The following CFAP77 variants were observed in gnomAD, a reference collection of about 807,000 sequenced individuals.
The protein encoded by CFAP77 is cilia- and flagella-associated protein 77.
A neutral mutation model predicts 31.1 loss-of-function variants in CFAP77; 25 were observed. The ratio of observed to expected loss-of-function variants is 0.80; its 90% CI spans 0.59 to 1.12. The LOEUF is 1.12. CFAP77 is among the 50% of genes most tolerant of loss of function. CFAP77 has a pLI of 0.00. For missense variants in CFAP77, 377 were observed against 397.3 expected, an observed-to-expected ratio of 0.95 and a Z score of 0.44; for synonymous variants, 151 against 159.9, an observed-to-expected ratio of 0.94 and a Z score of 0.42.
chr9:132,540,599 G>A (rs1235119736), intron 4 of CFAP77, among the ~76,000 whole-genome samples: 1 of 152,236 alleles, frequency 6.6e-6, no homozygotes, highest in Non-Finnish European at 1.5e-5. Flanking sequence ...TGACACATGA[G>A]CCTCTGTAAG....
Position 132,564,685 on chromosome 9 carries a change from C to G in CFAP77, c.733-7703C>G, listed in dbSNP as rs544265033. ...AAGGTAATTAGCTAAGCCAACGACT[C>G]TAGATGCTAGAAAAAGAACAACAGA... is the stretch of plus-strand genomic sequence containing the variant. On this transcript the variant is annotated intron_variant, in intron 5 of 5. Transcript: ENST00000393216. This position sits in a 1 kb window ranked among gnomAD's most constrained non-coding sequence, Gnocchi z 4.6. Among the ~76,000 whole-genome samples, 26 of 152,260 alleles carry G rather than the reference C, an allele frequency of 1.7e-4. No homozygotes were observed. The highest frequency in any genetic ancestry group is 6.3e-4 in the African/African-American group (26 of 41,552).
chr9:132,510,376 C>T (rs1305773428), intron 3 of CFAP77, among the ~76,000 whole-genome samples: 2 of 152,242 alleles, frequency 1.3e-5, no homozygotes, highest in African/African-American at 2.4e-5. Context: ...CTGGCCCGGC[C>T]GTGGGCCTCT....
intron 1 of CFAP77, among the ~76,000 whole-genome samples, chr9:132,471,062 G>C (rs939957220): frequency 4.6e-5 from 7 of 152,050 alleles, no homozygotes; most frequent in Admixed American, 2.6e-4. Context: ...AAACACTTGT[G>C]TGGGCCCCTA....
chr9:132,435,513 G>T (rs1344395171), intron 1 of CFAP77, among the ~76,000 whole-genome samples: 1 of 151,914 alleles, frequency 6.6e-6, no homozygotes, highest in Non-Finnish European at 1.5e-5. Context: ...AAATAAAAGT[G>T]AAGGAATCTG....
chr9:132,495,731 G>A lies in CFAP77; in HGVS notation c.196-2964G>A, dbSNP rs993261103. On this transcript the variant is annotated intron_variant, in intron 1 of 5. Transcript: ENST00000393216. This position sits in a 1 kb window ranked among gnomAD's most constrained non-coding sequence, Gnocchi z 4.2. ...AAAACCTAACTTTGGATGGGATGGC[G>A]TTAGCAGGTGGGTCTTTTAGGAGAT... Among the ~76,000 whole-genome samples, 3 of 152,218 alleles carry A rather than the reference G, an allele frequency of 2.0e-5. No homozygotes were observed. The highest frequency in any genetic ancestry group is 7.2e-5 in the African/African-American group (3 of 41,452).
chr9:132,492,592 G>A (rs1423104005), intron 1 of CFAP77, among the ~76,000 whole-genome samples: 2 of 152,232 alleles, frequency 1.3e-5, no homozygotes, highest in Non-Finnish European at 2.9e-5. Flanking sequence ...TCAGCCATGC[G>A]GCTTTGGGCA....
chr9:132,484,983 G>T (rs1199305714), intron 1 of CFAP77, among the ~76,000 whole-genome samples: 1 of 151,924 alleles, frequency 6.6e-6, no homozygotes, highest in Non-Finnish European at 1.5e-5. Context: ...CCTGTAGCTG[G>T]GACTACAGGC....
chr9:132,434,757 T>C (rs1002553261), intron 1 of CFAP77, among the ~76,000 whole-genome samples: 1 of 152,146 alleles, frequency 6.6e-6, no homozygotes, highest in Non-Finnish European at 1.5e-5. Context: ...TATAGGAACC[T>C]GTAGGGGGGC....
rs1852160742 is a variant in CFAP77 at position 132,517,029 on chromosome 9, G to A, written c.524+17429G>A. Among the ~76,000 whole-genome samples the A allele has an allele frequency of 6.6e-6, 1 of 152,220 alleles. No individual in the cohort carries two copies. The highest frequency in any genetic ancestry group is 2.1e-4 in the South Asian group (1 of 4,826). On this transcript the variant is annotated intron_variant, in intron 3 of 5. Coordinates refer to ENST00000393216, the MANE Select transcript of CFAP77 (RefSeq NM_001282957.2). The surrounding 1 kb of genome is among the most constrained non-coding windows in gnomAD (Gnocchi z 4.7). ...TGCAGCACGCAGCTCGGGGCTGTGT[G>A]AGAACACGAGGGCGGTCTTCAGAAA...
intron 3 of CFAP77, among the ~76,000 whole-genome samples, chr9:132,502,607 A>G (rs1368922655): frequency 6.6e-6 from 1 of 152,078 alleles, no homozygotes; most frequent in Non-Finnish European, 1.5e-5. Flanking sequence ...GGCTTATTTC[A>G]TTTATGTAAT....
At chr9:132,471,786 G>A (rs988409384) in intron 1 of CFAP77, among the ~76,000 whole-genome samples, 6 of 151,996 alleles carry the variant, frequency 3.9e-5, no homozygotes, top group Admixed American at 2.6e-4. Context: ...ATGCAGCCTC[G>A]AACCCCTGGG....
At position 132,441,105 on chromosome 9, in the gene CFAP77, T is replaced by C. The variant is rs141120085; in HGVS notation, c.195+30639T>C. ...TCCTCTCTGCATCCTAAACACACAA[T>C]ACCAGGGTCAGTGGGACCCGCAGCC... is the stretch of plus-strand genomic sequence containing the variant. On this transcript the variant is annotated intron_variant, in intron 1 of 5. Coordinates refer to ENST00000393216, the MANE Select transcript of CFAP77 (RefSeq NM_001282957.2). 1.2e-4 allele frequency among the ~76,000 whole-genome samples: 19 copies of C among 152,270 alleles called. No homozygotes were observed. The East Asian group carries it at 3.5e-3, about 28-fold the overall frequency.
At chr9:132,476,093 G>T (rs533101259) in intron 1 of CFAP77, among the ~76,000 whole-genome samples, 2 of 152,290 alleles carry the variant, frequency 1.3e-5, no homozygotes, top group South Asian at 4.1e-4. Flanking sequence ...CCTCTTCTGG[G>T]AGGTCTGGCC....
At chr9:132,519,816 ATGG>A (rs1852235987) in intron 3 of CFAP77, among the ~76,000 whole-genome samples, 1 of 24,452 alleles carries the variant, frequency 4.1e-5, no homozygotes, top group Non-Finnish European at 6.8e-5. Context: ...GGGTGGGTGG[ATGG>A]ATGGATGGAT....
intron 1 of CFAP77, among the ~76,000 whole-genome samples, chr9:132,467,870 G>T (rs1851182062): frequency 6.6e-6 from 1 of 152,180 alleles, no homozygotes; most frequent in East Asian, 1.9e-4. Flanking sequence ...TATTTTCTGG[G>T]TTTGGTTTTT....
At chr9:132,547,328 C>A (rs556310128) in intron 5 of CFAP77, among the ~76,000 whole-genome samples, 2 of 152,306 alleles carry the variant, frequency 1.3e-5, no homozygotes, top group Admixed American at 6.5e-5. Flanking sequence ...AATGGGCTAA[C>A]AAATGCTCCC....
chr9:132,416,951 GT>G (rs914587079), intron 1 of CFAP77, among the ~76,000 whole-genome samples: 1 of 151,344 alleles, frequency 6.6e-6, no homozygotes, highest in Non-Finnish European at 1.5e-5. Context: ...TTTTGTATTA[GT>G]TTTTTTTAAT....
chr9:132,531,894 C>CATCCTCAG (rs1852460097), intron 3 of CFAP77, among the ~76,000 whole-genome samples: 1 of 152,150 alleles, frequency 6.6e-6, no homozygotes, highest in African/African-American at 2.4e-5. Flanking sequence ...GTCAGCCGAG[C>CATCCTCAG]CCGCAGGAGG....
rs1467925462 is a variant in CFAP77 at position 132,417,823 on chromosome 9, G to A, written c.195+7357G>A. On this transcript the variant is annotated intron_variant, in intron 1 of 5. Coordinates refer to ENST00000393216, the MANE Select transcript of CFAP77 (RefSeq NM_001282957.2). ...TCTCAGCAATTGACTTTAAGTCAAC[G>A]TTAAATGTCTGAACTTATAAAGAAA... is the stretch of plus-strand genomic sequence containing the variant. 2.6e-5 allele frequency among the ~76,000 whole-genome samples: 4 copies of A among 152,300 alleles called. No individual in the cohort carries two copies. In the East Asian group the frequency reaches 5.8e-4, roughly 22 times the overall value.
Sources: allele counts gnomAD v4.1 joint callset (sites outside exome capture counted in the v4.1 genomes callset), GRCh38; gene constraint gnomAD v4.1.1; non-coding constraint Gnocchi (gnomAD v3.1); transcripts MANE v1.5; gene names NCBI Gene and HGNC (gene_info 2026-07-23, HGNC 2026-07-21).